Variants in ASPH observed in about 807,000 individuals in gnomAD.
ASPH encodes aspartate beta-hydroxylase, also known as aspartyl/asparaginyl beta-hydroxylase.
A neutral mutation model predicts 118.4 loss-of-function variants in ASPH; 100 were observed. The ratio of observed to expected loss-of-function variants is 0.84; its 90% CI spans 0.72 to 1.00. The LOEUF (loss-of-function observed/expected upper bound fraction) is 1.00. Ranked by LOEUF, ASPH falls within the 50% of genes least tolerant of loss-of-function variation. ASPH has a pLI of 0.00. For synonymous variants in ASPH, 315 were observed against 325.6 expected, an observed-to-expected ratio of 0.97 and a Z score of 0.35; for missense variants, 920 against 919.5, an observed-to-expected ratio of 1.00 and a Z score of -0.01.
chr8:61,674,229 C>G (rs1351204139), intron 3 of ASPH, among the ~76,000 whole-genome samples: 1 of 152,064 alleles, frequency 6.6e-6, no homozygotes, highest in African/African-American at 2.4e-5. Context: ...CTGAAGATTC[C>G]TTTAGAATTT....
chr8:61,663,307 C>G, intron 3 of ASPH: 1 of 985,320 alleles, frequency 1.0e-6, no homozygotes, highest in Non-Finnish European at 1.2e-6. Context: ...GAAGAATCAC[C>G]ATCCTCAACT....
At chr8:61,682,430 A>G (rs1327098382) in intron 2 of ASPH, 3 of 1,612,148 alleles carry the variant, frequency 1.9e-6, no homozygotes, top group Non-Finnish European at 2.5e-6. Context: ...TGCAACTCCA[A>G]TAGCCTACCT....
intron 18 of ASPH, among the ~76,000 whole-genome samples, chr8:61,558,734 C>T (rs1488515221): frequency 6.6e-6 from 1 of 152,180 alleles, no homozygotes; most frequent in African/African-American, 2.4e-5. Context: ...GTGTAATGGA[C>T]ATGCAGGTTG....
In ASPH at chr8:61,577,525, T is replaced by G. The variant is rs115478993; in HGVS notation, c.1063-667A>C. 3.0e-3 allele frequency among the ~76,000 whole-genome samples: 463 copies of G among 152,178 alleles called. 2 individuals carry two copies. The highest frequency in any genetic ancestry group is 9.9e-3 in the African/African-American group (409 of 41,506). On this transcript the variant is annotated intron_variant, in intron 15 of 24. Coordinates refer to ENST00000379454, the MANE Select transcript of ASPH (RefSeq NM_004318.4). ...TCTACCATGTTCTCGAATATTGTAT[T>G]AGTCTGTTTTCACACTGCTATAAAA... is the stretch of plus-strand genomic sequence containing the variant.
chr8:61,576,982 T>C (rs535152547), intron 15 of ASPH, 124 bp from the exon 16 acceptor site: 3 of 690,628 alleles, frequency 4.3e-6, no homozygotes, highest in East Asian at 2.9e-5. Flanking sequence ...AGTGTAAAGA[T>C]AGTTTTATCT....
At chr8:61,638,238 ACT>A in intron 11 of ASPH, 82 bp downstream of exon 11, 1 of 1,493,196 alleles carries the variant, frequency 6.7e-7, no homozygotes, top group Non-Finnish European at 9.1e-7. Context: ...TTCTACACTG[ACT>A]CTTTGTTCCA....
At chr8:61,535,249 C>G (rs1421557340) in intron 21 of ASPH, among the ~76,000 whole-genome samples, 1 of 152,122 alleles carries the variant, frequency 6.6e-6, no homozygotes, top group Admixed American at 6.5e-5. Flanking sequence ...TTTGAAAAAG[C>G]TCTAGCTACA....
At chr8:61,519,562 G>A (rs1401383193) in intron 22 of ASPH, among the ~76,000 whole-genome samples, 1 of 152,240 alleles carries the variant, frequency 6.6e-6, no homozygotes, top group East Asian at 1.9e-4. Flanking sequence ...TTTCATGCAA[G>A]AGGGAATTAA....
intron 16 of ASPH, among the ~76,000 whole-genome samples, chr8:61,574,685 C>T (rs764724589): frequency 1.3e-5 from 2 of 152,136 alleles, no homozygotes; most frequent in Non-Finnish European, 2.9e-5. Context: ...ACATCACACA[C>T]CGCGGCCTGT....
Position 61,619,338 on chromosome 8 carries a change from G to A in ASPH, c.935-319C>T, listed in dbSNP as rs16927652. On this transcript the variant is annotated intron_variant, in intron 13 of 24. Coordinates refer to ENST00000379454, the MANE Select transcript of ASPH (RefSeq NM_004318.4). ...ACTCCAAGTGTCTCTAAGGTACAAA[G>A]ACATGTGGATGGGGAGAAGCCATCA... Among the ~76,000 whole-genome samples the A allele has an allele frequency of 0.47, 71,861 of 151,974 alleles. 17,322 individuals carry two copies. The highest frequency in any genetic ancestry group is 0.53 in the Middle Eastern group (155 of 294).
chr8:61,582,129 A>G (rs987463335), intron 15 of ASPH, among the ~76,000 whole-genome samples: 1 of 152,164 alleles, frequency 6.6e-6, no homozygotes, highest in Admixed American at 6.5e-5. Context: ...AGTCAATAAC[A>G]TAGCTTCCTG....
At chr8:61,693,336 C>T (rs928730390) in intron 1 of ASPH, among the ~76,000 whole-genome samples, 2 of 152,176 alleles carry the variant, frequency 1.3e-5, no homozygotes, top group African/African-American at 4.8e-5. Context: ...ACACAAGCGG[C>T]CATCCTAACA....
rs531684584 is a variant in ASPH, at chr8:61,625,121, A to ATAGT, written c.935-6106_935-6103dup. 2.8e-5 allele frequency: 28 copies of ATAGT among 985,730 alleles called. No individual in the cohort carries two copies. In the South Asian group the frequency reaches 1.2e-3, roughly 41 times the overall value. 61.1% of individuals were successfully genotyped at this position (985,730 alleles called of 1,614,324 possible). Reference sequence around the variant, plus strand: ...CAAACCACTTCTTATGGCTTTGCTTATAGTTGCTCATGGTCCTTTCAAAAT... The same window carrying ATAGT: ...CAAACCACTTCTTATGGCTTTGCTTATAGTTAGTTGCTCATGGTCCTTTCAAAAT... On this transcript the variant is annotated intron_variant, in intron 13 of 24. Coordinates refer to ENST00000379454, the MANE Select transcript of ASPH (RefSeq NM_004318.4).
chr8:61,613,609 C>G, intron 14 of ASPH, among the ~76,000 whole-genome samples: 1 of 152,176 alleles, frequency 6.6e-6, no homozygotes, highest in East Asian at 1.9e-4. Context: ...GAGAAACACA[C>G]TTTCTGGTCT....
At chr8:61,706,458 G>A (rs546086801) in intron 1 of ASPH, among the ~76,000 whole-genome samples, 3 of 127,110 alleles carry the variant, frequency 2.4e-5, no homozygotes, top group African/African-American at 6.7e-5. Flanking sequence ...GAAGAAGAAG[G>A]AGGAAGAGGA....
intron 12 of ASPH, among the ~76,000 whole-genome samples, chr8:61,635,850 T>C (rs1418026032): frequency 6.6e-6 from 1 of 152,162 alleles, no homozygotes; most frequent in African/African-American, 2.4e-5. Flanking sequence ...AATATTTTCC[T>C]AACAGGGTGT....
At chr8:61,568,127 G>A (rs545157480) in intron 16 of ASPH, among the ~76,000 whole-genome samples, 7 of 152,168 alleles carry the variant, frequency 4.6e-5, no homozygotes, top group Non-Finnish European at 1.0e-4. Context: ...TACACAAAGT[G>A]AGACGGGAAG....
rs1407377025 is a variant in ASPH, at chr8:61,714,395, A to G, written c.-24T>C. ...ATTGCACGGTCCGCGGGGGCTGGTG[A>G]GGGCTGGCGGACCTCCTTCAGTGCG... On this transcript the variant is annotated 5_prime_UTR_variant, in exon 1 of 25. Transcript: ENST00000379454. The G allele has an allele frequency of 6.8e-7, 1 of 1,478,164 alleles. No individual in the cohort carries two copies. The highest frequency in any genetic ancestry group is 9.0e-7 in the Non-Finnish European group (1 of 1,111,602). The allele number at this position is 1,478,164 out of a possible 1,614,324, so 91.6% of individuals were successfully genotyped here.
chr8:61,554,687 T>G (rs1037271324), intron 19 of ASPH, among the ~76,000 whole-genome samples: 2 of 152,202 alleles, frequency 1.3e-5, no homozygotes, highest in African/African-American at 4.8e-5. Flanking sequence ...AAATTCTTTT[T>G]TTTTAGAGAC....
Sources: allele counts gnomAD v4.1 joint callset (sites outside exome capture counted in the v4.1 genomes callset), GRCh38; gene constraint gnomAD v4.1.1; transcripts MANE v1.5; gene names NCBI Gene and HGNC (gene_info 2026-07-23, HGNC 2026-07-21).